Variants in THOC2 observed in about 807,000 individuals in gnomAD.
THOC2 encodes the protein THO complex subunit 2, also known as THO complex 2.
In THOC2, 10 loss-of-function variants were observed where a neutral mutation model predicts 128.4. That is an observed-to-expected ratio of 0.08 (90% confidence interval 0.05 to 0.13). The LOEUF is 0.13. Among genes scored for constraint, THOC2 ranks in the 10% least tolerant of loss-of-function variants. The pLI, the probability that THOC2 is intolerant of heterozygous loss-of-function variation, is 1.00. For synonymous variants in THOC2, 393 were observed against 396.9 expected (o/e 0.99, Z 0.12); for missense variants, 535 against 1,155.7 (o/e 0.46, Z 7.79).
At chrX:123,639,868 A>G (rs781489495) in intron 16 of THOC2, among the ~76,000 whole-genome samples, 20 of 112,269 alleles carry the variant, frequency 1.8e-4, no homozygotes, top group Non-Finnish European at 3.8e-4. Flanking sequence ...GAAAGAGTCT[A>G]GTCTCTCTCA....
At chrX:123,650,457 A>G (rs745650644) in intron 12 of THOC2, among the ~76,000 whole-genome samples, 1 of 112,241 alleles carries the variant, frequency 8.9e-6, no homozygotes, top group South Asian at 3.7e-4. Flanking sequence ...ACATATAACA[A>G]TATTAACCTT....
At chrX:123,676,928 C>T (rs2049521041) in intron 8 of THOC2, among the ~76,000 whole-genome samples, 1 of 111,577 alleles carries the variant, frequency 9.0e-6, no homozygotes, top group Non-Finnish European at 1.9e-5. Context: ...GCCCTTAATG[C>T]TGCTGGACAA....
chrX:123,626,735 A>G (rs1439346665), intron 23 of THOC2, 73 bp from the exon 24 acceptor site: 1 of 994,997 alleles, frequency 1.0e-6, no homozygotes, highest in African/African-American at 2.0e-5. Flanking sequence ...GAAAAGTTTA[A>G]AGAGATAAAG....
intron 38 of THOC2, among the ~76,000 whole-genome samples, chrX:123,608,856 A>T (rs774064992): frequency 1.1e-4 from 12 of 112,552 alleles, no homozygotes; most frequent in Non-Finnish European, 1.9e-4. Context: ...ATCCAGCTAG[A>T]CATACTTTTA....
At chrX:123,721,721 G>A (rs2051707383) in intron 1 of THOC2, among the ~76,000 whole-genome samples, 1 of 107,726 alleles carries the variant, frequency 9.3e-6, no homozygotes, top group Non-Finnish European at 1.9e-5. Context: ...AGGAGGCAGA[G>A]GTTGCAGTGA....
chrX:123,687,061 A>G (rs2050028367), intron 7 of THOC2, among the ~76,000 whole-genome samples: 1 of 111,793 alleles, frequency 8.9e-6, no homozygotes, highest in African/African-American at 3.2e-5. Flanking sequence ...TAATTCTTGG[A>G]AAAACACGAA....
intron 22 of THOC2, among the ~76,000 whole-genome samples, chrX:123,629,206 AACACACACACACAC>A (rs754562050): frequency 2.7e-4 from 22 of 81,956 alleles, no homozygotes; most frequent in African/African-American, 6.7e-4. Context: ...ATTATACATG[AACACACACACACAC>A]ACACACACAC....
intron 12 of THOC2, among the ~76,000 whole-genome samples, chrX:123,654,758 CAAAAAAAAA>C (rs149260708): frequency 1.6e-4 from 4 of 24,360 alleles, no homozygotes; most frequent in Non-Finnish European, 2.5e-4. Context: ...GACTCCGTCT[CAAAAAAAAA>C]AAAAAAAAAA....
At chrX:123,633,105 C>T in intron 20 of THOC2, 65 bp from the exon 21 acceptor site, 1 of 876,073 alleles carries the variant, frequency 1.1e-6, no homozygotes, top group Non-Finnish European at 1.5e-6. Flanking sequence ...TTGAAAAAGA[C>T]ACAGAAAAAA....
Position 123,618,369 on chromosome X carries a change from C to T in THOC2, c.4311+1032G>A, listed in dbSNP as rs139760156. On this transcript the variant is annotated intron_variant, in intron 33 of 38. Coordinates refer to ENST00000245838, the MANE Select transcript of THOC2 (RefSeq NM_001081550.2). ...ATATAGTATATTCTAAAAAACAATGCTACAATTTTAGGACACAGGTACACT... is the reference window on the plus strand; with the variant it reads ...ATATAGTATATTCTAAAAAACAATGTTACAATTTTAGGACACAGGTACACT... 2.3e-3 allele frequency among the ~76,000 whole-genome samples: 257 copies of T among 111,835 alleles called. 1 individual carries two copies. The highest frequency in any genetic ancestry group is 6.2e-3 in the African/African-American group (192 of 30,907).
At chrX:123,722,529 G>A (rs140905748) in intron 1 of THOC2, among the ~76,000 whole-genome samples, 170 of 109,886 alleles carry the variant, frequency 1.5e-3, no homozygotes, top group African/African-American at 5.1e-3. Context: ...GAGAACACAT[G>A]GACACAGGGA....
intron 29 of THOC2, 33 bp from the exon 30 acceptor site, chrX:123,622,893 C>G: frequency 9.6e-7 from 1 of 1,040,532 alleles, no homozygotes; most frequent in Non-Finnish European, 1.3e-6. Context: ...TTTAACAAGC[C>G]CCTAAATGTA....
At chrX:123,725,537 C>A (rs1358844340) in intron 1 of THOC2, among the ~76,000 whole-genome samples, 1 of 98,914 alleles carries the variant, frequency 1.0e-5, no homozygotes, top group Non-Finnish European at 2.0e-5. Context: ...GCCTGCAGGT[C>A]GAGGCTGCAG....
intron 30 of THOC2, among the ~76,000 whole-genome samples, chrX:123,622,245 C>T (rs1395805031): frequency 1.8e-5 from 2 of 110,044 alleles, no homozygotes; most frequent in Non-Finnish European, 3.8e-5. Context: ...TAAAAACACA[C>T]AAAAAATTAG....
At chrX:123,688,517 G>A (rs957574468) in intron 7 of THOC2, among the ~76,000 whole-genome samples, 2 of 111,100 alleles carry the variant, frequency 1.8e-5, no homozygotes, top group African/African-American at 6.5e-5. Context: ...GATCACTTGA[G>A]TCCAGATGTT....
At chrX:123,712,814 A>T (rs747323370) in intron 2 of THOC2, 36 bp downstream of exon 2, 1 of 955,907 alleles carries the variant, frequency 1.0e-6, no homozygotes, top group Non-Finnish European at 1.4e-6. Context: ...ACTAATTTTA[A>T]TCAAGAAATA....
At chrX:123,713,419 G>A (rs1048417082) in intron 1 of THOC2, among the ~76,000 whole-genome samples, 1 of 105,169 alleles carries the variant, frequency 9.5e-6, no homozygotes, top group Non-Finnish European at 1.9e-5. Context: ...AGGTTGCAGT[G>A]AGCCAAGATC....
At chrX:123,697,885 G>A in intron 4 of THOC2, 134 bp from the exon 5 acceptor site, 1 of 394,835 alleles carries the variant, frequency 2.5e-6, no homozygotes. Context: ...TCAAAACTAT[G>A]GTAACATGAG....
chrX:123,721,700 C>T (rs1408842525), intron 1 of THOC2, among the ~76,000 whole-genome samples: 14 of 108,119 alleles, frequency 1.3e-4, no homozygotes, highest in East Asian at 6.0e-4. Context: ...GCAGGAGAAT[C>T]GCTTGGACTC....
Sources: gnomAD v4.1 joint callset for allele counts (sites outside exome capture counted in the v4.1 genomes callset) on GRCh38, gnomAD v4.1.1 for gene constraint, MANE v1.5 for transcripts, NCBI Gene and HGNC (gene_info 2026-07-23, HGNC 2026-07-21) for gene names.